EIF4B: variants seen among roughly 807,000 people sequenced by gnomAD.
EIF4B encodes the protein eukaryotic translation initiation factor 4B.
EIF4B carries 8 observed loss-of-function variants against 79.3 expected under a neutral mutation model. The ratio of observed to expected loss-of-function variants is 0.10; its 90% CI spans 0.06 to 0.18. The LOEUF is 0.18. Among genes scored for constraint, EIF4B ranks in the 10% least tolerant of loss-of-function variants. The probability of loss-of-function intolerance (pLI) is 1.00; values close to 1 mark genes in which losing one functional copy is unlikely to be tolerated. For synonymous variants in EIF4B, 238 were observed against 274.7 expected (o/e 0.87, Z 1.32); for missense variants, 515 against 792.4 (o/e 0.65, Z 4.20).
chr12:53,009,181 C>G (rs973922111), intron 1 of EIF4B, among the ~76,000 whole-genome samples: 9 of 152,168 alleles, frequency 5.9e-5, no homozygotes, highest in Non-Finnish European at 1.2e-4. Context: ...CTGCTGTCCC[C>G]TTACCTAGAG....
Position 53,039,314 on chromosome 12 carries a change from G to A in EIF4B, c.1653G>A (p.Gly551=), listed in dbSNP as rs769318742. The A allele has an allele frequency of 4.2e-5, 67 of 1,609,594 alleles. No individual in the cohort carries two copies. The highest frequency in any genetic ancestry group is 5.4e-5 in the Non-Finnish European group (64 of 1,177,360). ...GNSSRGPGDG[G]NRDHWKESDR... ...CTAGCCGTGGTCCAGGCGACGGAGG[G>A]AACAGAGACCACTGGAAGGAGTCAG... The change falls in exon 13 of 15, where the codon GGG becomes GGA. Residue 551 remains glycine, a synonymous_variant. Transcript: ENST00000262056.
intron 3 of EIF4B, 121 bp from the exon 4 acceptor site, chr12:53,019,789 C>A: frequency 1.2e-6 from 1 of 842,206 alleles, no homozygotes. Context: ...CCTGAGACAA[C>A]CATGTTCTTG....
At chr12:53,022,425 ATG>A (rs1943260680) in intron 5 of EIF4B, 66 bp from the exon 6 acceptor site, 1 of 1,597,400 alleles carries the variant, frequency 6.3e-7, no homozygotes, top group Admixed American at 1.7e-5. Flanking sequence ...GGGGTTTTCT[ATG>A]TGTGAGAAAT....
At chr12:53,022,875 TATAA>T (rs1344265337) in intron 6 of EIF4B, among the ~76,000 whole-genome samples, 1 of 152,096 alleles carries the variant, frequency 6.6e-6, no homozygotes, top group East Asian at 1.9e-4. Flanking sequence ...GACAATTGTT[TATAA>T]AGAAACCCAA....
chr12:53,022,974 G>A (rs919834717), intron 6 of EIF4B, among the ~76,000 whole-genome samples: 1 of 151,940 alleles, frequency 6.6e-6, no homozygotes, highest in East Asian at 1.9e-4. Context: ...GAGCAGCCTG[G>A]GCGACAAAAC....
intron 2 of EIF4B, among the ~76,000 whole-genome samples, chr12:53,016,935 T>C (rs1943157917): frequency 6.6e-6 from 1 of 152,174 alleles, no homozygotes; most frequent in South Asian, 2.1e-4. Flanking sequence ...CTTTTAGGTC[T>C]AAAATTCTAT....
At chr12:53,032,896 C>G (rs1943471974) in intron 8 of EIF4B, among the ~76,000 whole-genome samples, 1 of 152,048 alleles carries the variant, frequency 6.6e-6, no homozygotes, top group Admixed American at 6.5e-5. Flanking sequence ...GTCTCGAACT[C>G]CTGATCTCAG....
Position 53,040,179 on chromosome 12 carries a change from G to C in EIF4B, c.1792G>C (p.Val598Leu), listed in dbSNP as rs376283991. The C allele has an allele frequency of 1.4e-5, 23 of 1,614,048 alleles. No homozygotes were observed. The highest frequency in any genetic ancestry group is 1.1e-4 in the East Asian group (5 of 44,906). ...TGCAAGCAAGTATGCTGCTCTCTCT[G>C]TTGATGGTGAAGATGAAAATGAGGG... The part of the protein sequence containing the change: ...SSASKYAALS[V>L]DGEDENEGED... The change falls in exon 15 of 15, where the codon GTT (valine) becomes CTT (leucine). Residue 598 changes from valine (V) to leucine (L), a missense_variant. Physicochemically the swap from Val to Leu is conservative, Grantham distance 32. This residue lies in a region of EIF4B where 60 missense variants were observed against 56.7 expected (regional missense o/e 1.06). Transcript: ENST00000262056.
chr12:53,022,755 T>G (rs1943267397), intron 6 of EIF4B, 128 bp downstream of exon 6: 1 of 1,238,058 alleles, frequency 8.1e-7, no homozygotes, highest in Non-Finnish European at 1.1e-6. Flanking sequence ...AAGAAAAATT[T>G]TGGATAGTAT....
intron 10 of EIF4B, among the ~76,000 whole-genome samples, chr12:53,035,367 A>ATT (rs1411041174): frequency 5.4e-5 from 8 of 147,086 alleles, no homozygotes; most frequent in South Asian, 4.3e-4. Context: ...TTTTTTATTT[A>ATT]TTTATTTTCT....
At chr12:53,030,872 A>G (rs902217005) in intron 8 of EIF4B, among the ~76,000 whole-genome samples, 1 of 152,130 alleles carries the variant, frequency 6.6e-6, no homozygotes, top group Non-Finnish European at 1.5e-5. Context: ...TACAAGTTAG[A>G]AAAGTGGAGG....
chr12:53,034,560 G>A, intron 9 of EIF4B, 52 bp from the exon 10 acceptor site: 1 of 1,580,684 alleles, frequency 6.3e-7, no homozygotes, highest in Admixed American at 1.7e-5. Flanking sequence ...TGGGTCTAAG[G>A]TGGCCTTCAC....
rs1943598365 is a variant in EIF4B at position 53,039,709 on chromosome 12, G to A, written c.1755+7G>A. 1.9e-6 allele frequency: 3 copies of A among 1,611,916 alleles called. No homozygotes were observed. In the East Asian group the frequency reaches 6.7e-5, roughly 36 times the overall value. On this transcript the variant is annotated splice_region_variant and intron_variant, in intron 14 of 14. Transcript: ENST00000262056. ...TGAGGAAAATCCAGCTTCCGTAAGT[G>A]TTGAAGGCTGCTCCCAATTTTTCAT...
At chr12:53,038,686 A>G (rs1258987173) in intron 12 of EIF4B, 1 of 179,622 alleles carries the variant, frequency 5.6e-6, no homozygotes, top group Non-Finnish European at 1.2e-5. Context: ...GTGGTGGCAC[A>G]TGCCTGTAAT....
intron 6 of EIF4B, among the ~76,000 whole-genome samples, chr12:53,026,474 A>T (rs1286449590): frequency 6.6e-6 from 1 of 152,268 alleles, no homozygotes. Context: ...ATGTATCTTT[A>T]TCACACATCC....
rs902165217 is a variant in EIF4B, at chr12:53,037,634, T to C, written c.1520+12T>C. 1.9e-6 allele frequency: 3 copies of C among 1,613,312 alleles called. No homozygotes were observed. The highest frequency in any genetic ancestry group is 2.5e-6 in the Non-Finnish European group (3 of 1,179,578). On this transcript the variant is annotated intron_variant, in intron 11 of 14. Coordinates refer to ENST00000262056, the MANE Select transcript of EIF4B (RefSeq NM_001417.7). ...CAGTCCCCTACAAGGTGAGTCAGTT[T>C]GGAAACAGTAGTTGGTTAACTGCAG...
At chr12:53,039,566 T>C in intron 13 of EIF4B, 64 bp from the exon 14 acceptor site, 2 of 1,583,316 alleles carry the variant, frequency 1.3e-6, no homozygotes, top group Non-Finnish European at 1.7e-6. Context: ...ACTGCATGCA[T>C]ACACATGTTT....
intron 5 of EIF4B, chr12:53,022,172 T>C (rs1007484728): frequency 3.0e-6 from 2 of 664,794 alleles, no homozygotes; most frequent in Non-Finnish European, 5.4e-6. Flanking sequence ...TTGATCTAGA[T>C]GAACATTAAA....
At chr12:53,017,194 A>G (rs1943162400) in intron 2 of EIF4B, among the ~76,000 whole-genome samples, 1 of 151,786 alleles carries the variant, frequency 6.6e-6, no homozygotes, top group South Asian at 2.1e-4. Flanking sequence ...CGGAGGGTGC[A>G]GTGAGCTGAG....
Sources: allele counts gnomAD v4.1 joint callset (sites outside exome capture counted in the v4.1 genomes callset), GRCh38; gene constraint gnomAD v4.1.1; regional missense constraint gnomAD v4.1.1; transcripts MANE v1.5; gene names NCBI Gene and HGNC (gene_info 2026-07-23, HGNC 2026-07-21).